KCNH5: variants seen among roughly 807,000 people sequenced by gnomAD.
KCNH5 encodes potassium voltage-gated channel subfamily H member 5.
In KCNH5, 46 loss-of-function variants were observed where a neutral mutation model predicts 96.1. That is an observed-to-expected ratio of 0.48 (90% CI 0.38 to 0.61). The LOEUF is 0.61. KCNH5 is among the 20% of genes least tolerant of loss of function. The pLI is 0.00. For synonymous variants in KCNH5, 439 were observed against 449.8 expected (o/e 0.98, Z 0.30); for missense variants, 907 against 1,225.8 (o/e 0.74, Z 3.88).
At chr14:62,744,879 C>T (rs533513238) in intron 10 of KCNH5, among the ~76,000 whole-genome samples, 9 of 152,192 alleles carry the variant, frequency 5.9e-5, no homozygotes, top group African/African-American at 2.2e-4. Flanking sequence ...AATCAGAATC[C>T]TTGGGAAAAA....
intron 10 of KCNH5, among the ~76,000 whole-genome samples, chr14:62,711,713 T>C (rs1460977068): frequency 6.6e-6 from 1 of 152,164 alleles, no homozygotes; most frequent in Non-Finnish European, 1.5e-5. Context: ...ACTTCCTTTA[T>C]AGCTCAGAGG....
At chr14:62,835,162 T>G (rs566637312) in intron 8 of KCNH5, among the ~76,000 whole-genome samples, 3 of 152,128 alleles carry the variant, frequency 2.0e-5, no homozygotes, top group African/African-American at 7.2e-5. Context: ...ACAACCAAGC[T>G]CAGTAACAAC....
chr14:62,751,664 T>G (rs1022907839), intron 10 of KCNH5, among the ~76,000 whole-genome samples: 3 of 152,228 alleles, frequency 2.0e-5, no homozygotes, highest in African/African-American at 7.2e-5. Flanking sequence ...GCTTCCCTTG[T>G]TCAGGCCAAG....
At chr14:62,947,761 G>C (rs921410383) in intron 7 of KCNH5, among the ~76,000 whole-genome samples, 4 of 150,342 alleles carry the variant, frequency 2.7e-5, no homozygotes, top group Non-Finnish European at 5.9e-5. Context: ...ATGATCCAAA[G>C]GCTCAAGAGG....
chr14:62,729,058 T>C (rs1193204616), intron 10 of KCNH5, among the ~76,000 whole-genome samples: 1 of 152,206 alleles, frequency 6.6e-6, no homozygotes, highest in Admixed American at 6.5e-5. Context: ...GTGAGTTCCA[T>C]GAGTGCATTC....
intron 7 of KCNH5, among the ~76,000 whole-genome samples, chr14:62,941,906 C>T (rs1180439321): frequency 1.3e-5 from 2 of 152,094 alleles, no homozygotes. Flanking sequence ...GGTGTGCAGT[C>T]TCTTCCTGGG....
chr14:63,033,449 T>A (rs1891666058), intron 1 of KCNH5, among the ~76,000 whole-genome samples: 1 of 152,248 alleles, frequency 6.6e-6, no homozygotes, highest in Non-Finnish European at 1.5e-5. Flanking sequence ...AGGTATCAAT[T>A]TAACACTACT....
intron 6 of KCNH5, among the ~76,000 whole-genome samples, chr14:62,972,102 A>G (rs941982970): frequency 1.3e-5 from 2 of 152,190 alleles, no homozygotes; most frequent in African/African-American, 4.8e-5. Context: ...TGCAAAAGAC[A>G]TCTAATAAAG....
intron 7 of KCNH5, among the ~76,000 whole-genome samples, chr14:62,878,115 T>G (rs1229939578): frequency 6.7e-6 from 1 of 148,458 alleles, no homozygotes; most frequent in African/African-American, 2.5e-5. Flanking sequence ...AAACACCACA[T>G]GTTCTCACTC....
intron 7 of KCNH5, among the ~76,000 whole-genome samples, chr14:62,884,408 T>G (rs1179086315): frequency 6.6e-6 from 1 of 152,234 alleles, no homozygotes; most frequent in Non-Finnish European, 1.5e-5. Flanking sequence ...GCAGATTGCC[T>G]GGCTTCAGGA....
At chr14:62,794,571 T>C (rs909355584) in intron 9 of KCNH5, among the ~76,000 whole-genome samples, 4 of 152,060 alleles carry the variant, frequency 2.6e-5, no homozygotes, top group Non-Finnish European at 5.9e-5. Flanking sequence ...ACAGGGTTAT[T>C]AAACGACTTG....
chr14:62,875,657 C>T (rs1484763446), intron 7 of KCNH5, among the ~76,000 whole-genome samples: 1 of 152,060 alleles, frequency 6.6e-6, no homozygotes, highest in Non-Finnish European at 1.5e-5. Flanking sequence ...CTAGAAATAC[C>T]ATGTGACCCA....
chr14:62,771,514 A>G (rs571691016), intron 10 of KCNH5, among the ~76,000 whole-genome samples: 1 of 152,032 alleles, frequency 6.6e-6, no homozygotes, highest in East Asian at 1.9e-4. Context: ...AGTCCCAGCT[A>G]CTCGGGAGGC....
chr14:62,783,069 C>A (rs1417904375), intron 9 of KCNH5, among the ~76,000 whole-genome samples: 1 of 151,918 alleles, frequency 6.6e-6, no homozygotes, highest in Non-Finnish European at 1.5e-5. Context: ...ATTATGCAGC[C>A]ACAAGGTATC....
At chr14:62,777,756 A>G (rs1886127353) in intron 10 of KCNH5, among the ~76,000 whole-genome samples, 1 of 152,202 alleles carries the variant, frequency 6.6e-6, no homozygotes, top group South Asian at 2.1e-4. Context: ...TGAAAAACCA[A>G]CAACAGTTTT....
intron 1 of KCNH5, among the ~76,000 whole-genome samples, chr14:63,019,323 CT>C (rs1332126424): frequency 2.0e-5 from 3 of 151,854 alleles, no homozygotes; most frequent in African/African-American, 4.8e-5. Context: ...TGACAACAGG[CT>C]TTTTTGAGGA....
chr14:62,760,617 A>G (rs1885726649), intron 10 of KCNH5, among the ~76,000 whole-genome samples: 1 of 152,236 alleles, frequency 6.6e-6, no homozygotes, highest in African/African-American at 2.4e-5. Context: ...TCAACTTCTA[A>G]AAGTGTTGGA....
chr14:63,006,948 C>T (rs1367049691), intron 2 of KCNH5, among the ~76,000 whole-genome samples: 2 of 152,124 alleles, frequency 1.3e-5, no homozygotes, highest in Non-Finnish European at 2.9e-5. Flanking sequence ...ACCCATATGA[C>T]ATTTTACAAA....
intron 4 of KCNH5, 84 bp downstream of exon 4, chr14:63,001,247 A>C (rs1253002531): frequency 7.9e-7 from 1 of 1,270,092 alleles, no homozygotes; most frequent in Non-Finnish European, 1.1e-6. Context: ...TTTGTTTTCC[A>C]GTTCAATCAG....
Sources: gnomAD v4.1 joint callset for allele counts (sites outside exome capture counted in the v4.1 genomes callset) on GRCh38, gnomAD v4.1.1 for gene constraint, MANE v1.5 for transcripts, NCBI Gene and HGNC (gene_info 2026-07-23, HGNC 2026-07-21) for gene names.